Variants in CNTN5 observed in about 807,000 individuals in gnomAD.
The protein encoded by CNTN5 is contactin 5.
In CNTN5, 77 loss-of-function variants were observed where a neutral mutation model predicts 129.1. The observed-to-expected ratio is 0.60, with a 90% CI of 0.50 to 0.72. The LOEUF (loss-of-function observed/expected upper bound fraction) is 0.72. Ranked by LOEUF, CNTN5 falls within the 30% of genes least tolerant of loss-of-function variation. The pLI, the probability that CNTN5 is intolerant of heterozygous loss-of-function variation, is 0.00. For synonymous variants in CNTN5, 509 were observed against 465.6 expected (o/e 1.09, Z -1.20); for missense variants, 1,478 against 1,328.8 (o/e 1.11, Z -1.75).
intron 3 of CNTN5, among the ~76,000 whole-genome samples, chr11:99,622,756 A>G (rs879173829): frequency 6.6e-6 from 1 of 152,086 alleles, no homozygotes; most frequent in Admixed American, 6.6e-5. Context: ...GTTCCCTGGA[A>G]AGGTTATACA....
intron 3 of CNTN5, among the ~76,000 whole-genome samples, chr11:99,810,482 C>A (rs1295360597): frequency 1.3e-5 from 2 of 152,064 alleles, no homozygotes; most frequent in Non-Finnish European, 2.9e-5. Context: ...TCTGCATATG[C>A]TTTTTGCTCT....
At chr11:99,973,270 A>G (rs1937698623) in intron 8 of CNTN5, among the ~76,000 whole-genome samples, 1 of 152,096 alleles carries the variant, frequency 6.6e-6, no homozygotes, top group East Asian at 1.9e-4. Flanking sequence ...GGGGATTTTC[A>G]GGTGGTCGCA....
chr11:99,320,027 G>A (rs10893108), intron 1 of CNTN5, among the ~76,000 whole-genome samples: 39,805 of 152,064 alleles, frequency 0.26, 5,836 homozygotes, highest in Middle Eastern at 0.37. Flanking sequence ...ATCACTTGAC[G>A]TCAGGAGTTC....
chr11:99,894,525 A>AC (rs1949151350), intron 6 of CNTN5, among the ~76,000 whole-genome samples: 5 of 148,434 alleles, frequency 3.4e-5, no homozygotes, highest in South Asian at 4.2e-4. Flanking sequence ...CAAAAAAAAA[A>AC]AAAACCAAAA....
intron 1 of CNTN5, among the ~76,000 whole-genome samples, chr11:99,036,068 T>C (rs1209306171): frequency 6.6e-6 from 1 of 152,184 alleles, no homozygotes; most frequent in Non-Finnish European, 1.5e-5. Flanking sequence ...GGGTTGAAAA[T>C]TCTTTTCTTT....
chr11:100,087,865 G>T (rs1390804906), intron 13 of CNTN5, among the ~76,000 whole-genome samples: 1 of 151,776 alleles, frequency 6.6e-6, no homozygotes. Context: ...TCTACCACAT[G>T]CTTGGCCATA....
intron 6 of CNTN5, among the ~76,000 whole-genome samples, chr11:99,871,572 G>A (rs1245887296): frequency 6.6e-6 from 1 of 151,934 alleles, no homozygotes; most frequent in Non-Finnish European, 1.5e-5. Flanking sequence ...TTAATGTCAG[G>A]TACTGGGAAA....
chr11:99,146,461 A>G (rs1031662568), intron 1 of CNTN5, among the ~76,000 whole-genome samples: 2 of 152,168 alleles, frequency 1.3e-5, no homozygotes, highest in Non-Finnish European at 2.9e-5. Context: ...TGCAATAAAC[A>G]AAATACCATA....
chr11:100,089,678 A>T lies in CNTN5; in HGVS notation c.1580+15384A>T, dbSNP rs1348286057. Among the ~76,000 whole-genome samples, 3 of 152,184 alleles carry T rather than the reference A, an allele frequency of 2.0e-5. No individual in the cohort carries two copies. The East Asian group carries it at 5.8e-4, about 29-fold the overall frequency. ...CTTCATTGATAGACTGGATAAAGAAAACATGGTACATATACGTCATGGAAT... is the reference window on the plus strand; with the variant it reads ...CTTCATTGATAGACTGGATAAAGAATACATGGTACATATACGTCATGGAAT... On this transcript the variant is annotated intron_variant, in intron 13 of 24. Coordinates refer to ENST00000524871, the MANE Select transcript of CNTN5 (RefSeq NM_014361.4).
At chr11:99,823,681 CTATA>C (rs1230140013) in intron 4 of CNTN5, among the ~76,000 whole-genome samples, 2 of 151,796 alleles carry the variant, frequency 1.3e-5, no homozygotes, top group African/African-American at 4.9e-5. Flanking sequence ...TGTCTTGTGA[CTATA>C]TATTAAGTTT....
chr11:99,958,645 T>C (rs187434518), intron 8 of CNTN5, among the ~76,000 whole-genome samples: 23 of 152,280 alleles, frequency 1.5e-4, no homozygotes, highest in Admixed American at 1.5e-3. Context: ...TGTAAGAGTG[T>C]CTATAGATGG....
Position 99,503,061 on chromosome 11 carries a change from A to G in CNTN5, c.-70-53084A>G, listed in dbSNP as rs564270248. Among the ~76,000 whole-genome samples, 22 of 152,198 alleles carry G rather than the reference A, an allele frequency of 1.4e-4. No homozygotes were observed. In the South Asian group the frequency reaches 4.1e-3, roughly 29 times the overall value. On this transcript the variant is annotated intron_variant, in intron 2 of 24. Transcript: ENST00000524871. ...TATTTGTTATATATCTATCCTTTCC[A>G]TCTTTATTTATAGCACTTTTAAGTC... is the stretch of plus-strand genomic sequence containing the variant.
At chr11:99,446,522 G>A (rs1044371493) in intron 2 of CNTN5, among the ~76,000 whole-genome samples, 2 of 151,848 alleles carry the variant, frequency 1.3e-5, no homozygotes, top group Non-Finnish European at 2.9e-5. Flanking sequence ...AAAGTTATTG[G>A]CCTGCAAATA....
At chr11:99,895,300 C>T (rs1254444189) in intron 6 of CNTN5, among the ~76,000 whole-genome samples, 1 of 152,162 alleles carries the variant, frequency 6.6e-6, no homozygotes, top group Non-Finnish European at 1.5e-5. Flanking sequence ...AGTTAGTTAC[C>T]ATAGAAGAAG....
intron 3 of CNTN5, among the ~76,000 whole-genome samples, chr11:99,819,205 C>T (rs1287856792): frequency 6.7e-6 from 1 of 148,482 alleles, no homozygotes; most frequent in African/African-American, 2.5e-5. Flanking sequence ...GGGCTTTTGA[C>T]TGTCTTCCCT....
chr11:100,283,269 C>A (rs1199717379), intron 18 of CNTN5, among the ~76,000 whole-genome samples: 1 of 152,016 alleles, frequency 6.6e-6, no homozygotes, highest in East Asian at 1.9e-4. Context: ...TGACCAGTGC[C>A]CTATTCTCCT....
At chr11:99,034,489 TA>T (rs927138002) in intron 1 of CNTN5, among the ~76,000 whole-genome samples, 14 of 151,752 alleles carry the variant, frequency 9.2e-5, no homozygotes, top group South Asian at 2.1e-4. Flanking sequence ...CTTCCTGGTT[TA>T]GTCTTGGGAG....
intron 6 of CNTN5, among the ~76,000 whole-genome samples, chr11:99,909,404 G>A (rs1229474466): frequency 2.0e-5 from 3 of 152,174 alleles, no homozygotes; most frequent in South Asian, 2.1e-4. Flanking sequence ...TCAGTGTGGC[G>A]ATTCCTCAGG....
chr11:100,010,153 T>C (rs1361415285), intron 9 of CNTN5, among the ~76,000 whole-genome samples: 1 of 152,142 alleles, frequency 6.6e-6, no homozygotes, highest in Non-Finnish European at 1.5e-5. Context: ...ATTTCAGTGG[T>C]TCTTTCTAAA....
Sources: allele counts gnomAD v4.1 joint callset (sites outside exome capture counted in the v4.1 genomes callset), GRCh38; gene constraint gnomAD v4.1.1; transcripts MANE v1.5; gene names NCBI Gene and HGNC (gene_info 2026-07-23, HGNC 2026-07-21).